INSC: variants seen among roughly 807,000 people sequenced by gnomAD.
INSC encodes protein inscuteable homolog.
In INSC, 67 loss-of-function variants were observed where a neutral mutation model predicts 58.6. The ratio of observed to expected loss-of-function variants is 1.14; its 90% confidence interval spans 0.94 to 1.40. The LOEUF (loss-of-function observed/expected upper bound fraction) is 1.40. Among genes scored for constraint, INSC ranks in the 40% most tolerant of loss-of-function variants. The pLI is 0.00. For synonymous variants in INSC, 262 were observed against 276.1 expected (o/e 0.95, Z 0.51); for missense variants, 714 against 692.0 (o/e 1.03, Z -0.36).
chr11:15,144,790 G>C (rs1299727264), intron 1 of INSC, among the ~76,000 whole-genome samples: 1 of 152,212 alleles, frequency 6.6e-6, no homozygotes, highest in African/African-American at 2.4e-5. Context: ...TAGCCAAATG[G>C]AGGTGAGCAA....
the INSC span, among the ~76,000 whole-genome samples, chr11:15,259,530 T>C: frequency 2.0e-5 from 3 of 152,210 alleles, no homozygotes; most frequent in Non-Finnish European, 4.4e-5. Context: ...TGAAATTGGA[T>C]TTTTAAGCAA....
In INSC at chr11:15,204,845, G is replaced by A. The variant is rs74981630; in HGVS notation, c.819+3896G>A. 8.0e-3 allele frequency among the ~76,000 whole-genome samples: 1,220 copies of A among 152,298 alleles called. 24 individuals are homozygous for A. The highest frequency in any genetic ancestry group is 0.029 in the African/African-American group (1,191 of 41,566). ...AAACGTGCTGGATTTGGTGAAATTC[G>A]TCTCTGTTGTGCAGCTTCCCCCTCC... On this transcript the variant is annotated intron_variant, in intron 7 of 12. Coordinates refer to ENST00000379556, the MANE Select transcript of INSC (RefSeq NM_001042536.3).
intron 6 of INSC, among the ~76,000 whole-genome samples, chr11:15,198,504 G>A (rs2133877262): frequency 6.6e-6 from 1 of 152,230 alleles, no homozygotes; most frequent in East Asian, 1.9e-4. Flanking sequence ...CCTGGCTCAG[G>A]CCTCATGCGT....
chr11:15,117,035 C>T lies in INSC; in HGVS notation c.-46+2032C>T, dbSNP rs545917791. Reference sequence around the variant, plus strand: ...TCAGCTCATTGCAACCTCTGCCCCCCGGATTCAAGCGATTCTCCTGCCTCA... The same window carrying T: ...TCAGCTCATTGCAACCTCTGCCCCCTGGATTCAAGCGATTCTCCTGCCTCA... On this transcript the variant is annotated intron_variant, in intron 1 of 12. Coordinates refer to ENST00000379556, the MANE Select transcript of INSC (RefSeq NM_001042536.3). 3.5e-3 allele frequency among the ~76,000 whole-genome samples: 519 copies of T among 149,946 alleles called. 6 individuals are homozygous for T. The highest frequency in any genetic ancestry group is 0.012 in the African/African-American group (498 of 40,512).
chr11:15,248,690 A>T (rs551002389), downstream of INSC, among the ~76,000 whole-genome samples: 1 of 152,222 alleles, frequency 6.6e-6, no homozygotes, highest in Admixed American at 6.5e-5. Flanking sequence ...ACTGGAAGAG[A>T]TTAAAGGAGA....
At chr11:15,117,887 G>GA (rs1310415054) in intron 1 of INSC, among the ~76,000 whole-genome samples, 2 of 152,182 alleles carry the variant, frequency 1.3e-5, no homozygotes, top group African/African-American at 4.8e-5. Context: ...AGACAAGGGG[G>GA]ATAGTTGAGA....
At position 15,247,049 on chromosome 11, in the gene INSC, C is replaced by G. The variant is rs939675667; in HGVS notation, c.*1009C>G. The G allele has an allele frequency of 2.7e-5, 4 of 150,766 alleles. No individual in the cohort carries two copies. The highest frequency in any genetic ancestry group is 9.8e-5 in the African/African-American group (4 of 40,828). The allele number at this position is 150,766 out of a possible 1,614,324, so 9.3% of individuals were successfully genotyped here. A position where few individuals can be genotyped will look rare whatever the true frequency, so the allele number is the denominator to read the frequency against. ...TCGCTTTTTTTTTTTTTAGAGAGAG[C>G]TGGTTTACCAATTTCACTGCTTGAA... On this transcript the variant is annotated 3_prime_UTR_variant, in exon 13 of 13. Transcript: ENST00000379556.
chr11:15,164,684 C>T (rs552180078), intron 2 of INSC, among the ~76,000 whole-genome samples: 1 of 152,280 alleles, frequency 6.6e-6, no homozygotes, highest in Non-Finnish European at 1.5e-5. Flanking sequence ...TCAGATGCCA[C>T]CTTATTGCTT....
intron 2 of INSC, among the ~76,000 whole-genome samples, chr11:15,171,478 T>G (rs1397986198): frequency 6.6e-6 from 1 of 152,166 alleles, no homozygotes; most frequent in Non-Finnish European, 1.5e-5. Context: ...AATGTACAAC[T>G]CTAGAACAGG....
chr11:15,176,230 G>A, intron 3 of INSC, 144 bp downstream of exon 3: 2 of 702,660 alleles, frequency 2.8e-6, no homozygotes, highest in Non-Finnish European at 4.6e-6. Flanking sequence ...GAAAGAGAGT[G>A]GAATCTTTAC....
intron 1 of INSC, among the ~76,000 whole-genome samples, chr11:15,142,407 C>T (rs1848392903): frequency 6.6e-6 from 1 of 151,974 alleles, no homozygotes; most frequent in South Asian, 2.1e-4. Flanking sequence ...CTTCCTTGTG[C>T]CCTGCACGCT....
At chr11:15,211,504 G>T (rs1266988719) in intron 7 of INSC, among the ~76,000 whole-genome samples, 1 of 151,942 alleles carries the variant, frequency 6.6e-6, no homozygotes, top group Non-Finnish European at 1.5e-5. Flanking sequence ...TCTCTTAATG[G>T]TGTCTTTTGA....
At chr11:15,123,413 T>C (rs919070769) in intron 1 of INSC, among the ~76,000 whole-genome samples, 8 of 152,164 alleles carry the variant, frequency 5.3e-5, no homozygotes, top group African/African-American at 1.9e-4. Context: ...GCCACAAATA[T>C]ATGTTGAACA....
At chr11:15,236,020 C>T (rs1852113051) in intron 10 of INSC, among the ~76,000 whole-genome samples, 1 of 136,276 alleles carries the variant, frequency 7.3e-6, no homozygotes, top group Admixed American at 8.2e-5. Flanking sequence ...CACGCCATTG[C>T]ACTCCATCCT....
At chr11:15,258,165 C>A in the INSC span, among the ~76,000 whole-genome samples, 1 of 152,070 alleles carries the variant, frequency 6.6e-6, no homozygotes, top group Non-Finnish European at 1.5e-5. Context: ...TATAAACTAT[C>A]CCAAAATGAA....
intron 2 of INSC, among the ~76,000 whole-genome samples, chr11:15,169,859 A>G (rs980063946): frequency 8.5e-5 from 13 of 152,162 alleles, no homozygotes; most frequent in South Asian, 4.1e-4. Flanking sequence ...GACGTCTTAT[A>G]TTACCATGGC....
Position 15,190,776 on chromosome 11 carries a change from AC to A in INSC, c.658del (p.Gln220ArgfsTer10). The A allele has an allele frequency of 6.2e-7, 1 of 1,613,886 alleles. No individual in the cohort carries two copies. On this transcript the variant is annotated frameshift_variant, in exon 6 of 13. Transcript: ENST00000379556. LOFTEE classifies it high-confidence loss of function. Reference sequence around the variant, plus strand: ...CACCACAGGGAACCTGTTCAGCCTGACCCAGGAGGGGGCTCCCTTGTGCCGC... The same window carrying A: ...CACCACAGGGAACCTGTTCAGCCTGACCAGGAGGGGGCTCCCTTGTGCCGC... ...ESTTGNLFSL[T>X]QEGAPLCRII...
chr11:15,219,838 T>C (rs1427999432), intron 7 of INSC, among the ~76,000 whole-genome samples: 1 of 152,228 alleles, frequency 6.6e-6, no homozygotes, highest in African/African-American at 2.4e-5. Flanking sequence ...GTTTCTTATG[T>C]TGGCAATAGG....
intron 7 of INSC, among the ~76,000 whole-genome samples, chr11:15,211,623 A>G (rs1851028900): frequency 6.6e-6 from 1 of 152,156 alleles, no homozygotes; most frequent in Admixed American, 6.5e-5. Context: ...AAAATTATGA[A>G]AATATTCTCC....
Sources: allele counts gnomAD v4.1 joint callset (sites outside exome capture counted in the v4.1 genomes callset), GRCh38; gene constraint gnomAD v4.1.1; transcripts MANE v1.5; gene names NCBI Gene and HGNC (gene_info 2026-07-23, HGNC 2026-07-21).